Variants in SGSM1 observed in about 807,000 individuals in gnomAD.
SGSM1 encodes the protein RUN and TBC1 domain containing 2.
SGSM1 carries 73 observed loss-of-function variants against 133.8 expected under a neutral mutation model. The ratio of observed to expected loss-of-function variants is 0.55; its 90% confidence interval spans 0.45 to 0.66. The LOEUF is 0.66. Ranked by LOEUF, SGSM1 falls within the 30% of genes least tolerant of loss-of-function variation. The pLI is 0.00. For synonymous variants in SGSM1, 563 were observed against 573.0 expected (o/e 0.98, Z 0.25); for missense variants, 1,213 against 1,448.1 (o/e 0.84, Z 2.64).
chr22:24,920,302 C>A (rs1338576180), intron 24 of SGSM1, among the ~76,000 whole-genome samples: 1 of 152,192 alleles, frequency 6.6e-6, no homozygotes, highest in African/African-American at 2.4e-5. Flanking sequence ...ACATCCACTT[C>A]CTCATCTGTG....
At chr22:24,904,691 A>G (rs139746) in intron 20 of SGSM1, among the ~76,000 whole-genome samples, 92,518 of 152,082 alleles carry the variant, frequency 0.61, 29,449 homozygotes, top group African/African-American at 0.79. Flanking sequence ...GGGAGCTGTA[A>G]GGCAAAGATA....
intron 5 of SGSM1, 147 bp from the exon 6 acceptor site, chr22:24,854,849 C>T (rs1930675801): frequency 1.6e-6 from 1 of 625,704 alleles, no homozygotes. Flanking sequence ...GCCCTATGAG[C>T]TATATTATTA....
chr22:24,921,443 T>A (rs1934005026), intron 24 of SGSM1, among the ~76,000 whole-genome samples: 1 of 152,182 alleles, frequency 6.6e-6, no homozygotes, highest in African/African-American at 2.4e-5. Context: ...GTGACTATTC[T>A]ATAACTTACT....
intron 10 of SGSM1, among the ~76,000 whole-genome samples, chr22:24,867,951 A>C (rs1002729113): frequency 3.3e-5 from 5 of 152,244 alleles, no homozygotes; most frequent in African/African-American, 1.2e-4. Flanking sequence ...CAGTGCCTCT[A>C]ACATGCTGCG....
intron 12 of SGSM1, among the ~76,000 whole-genome samples, chr22:24,869,356 C>CA: frequency 6.6e-6 from 1 of 151,940 alleles, no homozygotes; most frequent in Non-Finnish European, 1.5e-5. Flanking sequence ...CCTGTCTCTA[C>CA]AAAAAATACA....
At chr22:24,921,282 T>C (rs1933998914) in intron 24 of SGSM1, among the ~76,000 whole-genome samples, 3 of 152,078 alleles carry the variant, frequency 2.0e-5, no homozygotes. Context: ...ATATTTTTAG[T>C]AGAGACAGAG....
chr22:24,848,397 C>G (rs774312382), intron 4 of SGSM1, among the ~76,000 whole-genome samples: 5 of 152,118 alleles, frequency 3.3e-5, no homozygotes, highest in Non-Finnish European at 7.4e-5. Context: ...CATATTATAA[C>G]ACATTCAAAT....
chr22:24,841,213 C>G (rs183789178), intron 2 of SGSM1, among the ~76,000 whole-genome samples: 7 of 152,278 alleles, frequency 4.6e-5, no homozygotes, highest in Non-Finnish European at 8.8e-5. Context: ...TTCTTTGACA[C>G]ATTTATTATT....
chr22:24,885,435 C>CTT lies in SGSM1; in HGVS notation c.1642-1145_1642-1144dup, dbSNP rs749418833. ...TCGATTAGCGACACACATTGAGCAC[C>CTT]TTTTTTTTTTTTTTTTTTTTTGAGA... On this transcript the variant is annotated intron_variant, in intron 15 of 24. Transcript: ENST00000400358. Among the ~76,000 whole-genome samples, 376 of 122,050 alleles carry CTT rather than the reference C, an allele frequency of 3.1e-3. 2 individuals are homozygous for CTT. The highest frequency in any genetic ancestry group is 3.8e-3 in the Non-Finnish European group (223 of 59,114). 80.1% of individuals were successfully genotyped at this position (122,050 alleles called of 152,430 possible).
intron 2 of SGSM1, 90 bp from the exon 3 acceptor site, chr22:24,844,804 TGTG>T: frequency 8.8e-7 from 1 of 1,135,262 alleles, no homozygotes; most frequent in South Asian, 1.4e-5. Flanking sequence ...TGAAAGGCCT[TGTG>T]GGGAGCAATG....
At chr22:24,900,898 C>T (rs1403229050) in intron 19 of SGSM1, among the ~76,000 whole-genome samples, 2 of 152,064 alleles carry the variant, frequency 1.3e-5, no homozygotes, top group African/African-American at 2.4e-5. Context: ...CTATTTAAGA[C>T]CCAGGTGGAA....
At position 24,859,819 on chromosome 22, in the gene SGSM1, G is replaced by A; in HGVS notation, c.905G>A (p.Gly302Glu). The A allele has an allele frequency of 6.2e-7, 1 of 1,613,868 alleles. No individual in the cohort carries two copies. The highest frequency in any genetic ancestry group is 8.5e-7 in the Non-Finnish European group (1 of 1,179,840). Residue 302 changes from glycine to glutamate, a missense_variant, in exon 9 of 25, where the codon GGG becomes GAG. Physicochemically the swap from Gly to Glu is moderately conservative, Grantham distance 98 (BLOSUM62 -2). Transcript: ENST00000400358. The stretch of plus-strand genomic sequence containing the variant: ...AACCAGCTGATGAACGGGTCTGTGG[G>A]GGACCTGGACTATGAGAAGAGGTAG... ...TPNQLMNGSV[G>E]DLDYEKSVYW...
intron 8 of SGSM1, chr22:24,855,962 C>A (rs551647476): frequency 5.0e-6 from 3 of 604,458 alleles, no homozygotes; most frequent in African/African-American, 1.8e-5. Flanking sequence ...ACCATCTTTA[C>A]ATTCACCCAT....
intron 14 of SGSM1, among the ~76,000 whole-genome samples, chr22:24,881,823 G>A (rs1348218049): frequency 6.6e-6 from 1 of 152,192 alleles, no homozygotes; most frequent in African/African-American, 2.4e-5. Flanking sequence ...TGGAGAGCCA[G>A]AAGGAAGGGG....
intron 2 of SGSM1, among the ~76,000 whole-genome samples, chr22:24,821,897 G>T (rs548631335): frequency 4.1e-4 from 63 of 152,152 alleles, no homozygotes; most frequent in African/African-American, 1.4e-3. Context: ...TGGTACCTTT[G>T]TTAGGATTAA....
At chr22:24,828,016 A>G (rs1197476525) in intron 2 of SGSM1, among the ~76,000 whole-genome samples, 2 of 151,796 alleles carry the variant, frequency 1.3e-5, no homozygotes, top group East Asian at 1.9e-4. Flanking sequence ...ACCTTTGTGG[A>G]CCCCTATCTC....
intron 14 of SGSM1, among the ~76,000 whole-genome samples, chr22:24,882,543 C>T (rs1471991363): frequency 1.3e-5 from 2 of 152,144 alleles, no homozygotes; most frequent in Admixed American, 6.5e-5. Flanking sequence ...TCTATAATAG[C>T]TATTTTGAAA....
chr22:24,881,700 A>G (rs1208548393), intron 14 of SGSM1, among the ~76,000 whole-genome samples: 2 of 152,172 alleles, frequency 1.3e-5, no homozygotes, highest in African/African-American at 4.8e-5. Flanking sequence ...CGTCATCATC[A>G]TCATCCTCCT....
intron 2 of SGSM1, among the ~76,000 whole-genome samples, chr22:24,807,670 C>T (rs6004289): frequency 0.024 from 3,704 of 152,208 alleles, 150 homozygotes; most frequent in African/African-American, 0.083. Flanking sequence ...CAGCAGACAT[C>T]GTGGGCTGGC....
Sources: allele counts gnomAD v4.1 joint callset (sites outside exome capture counted in the v4.1 genomes callset), GRCh38; gene constraint gnomAD v4.1.1; transcripts MANE v1.5; gene names NCBI Gene and HGNC (gene_info 2026-07-23, HGNC 2026-07-21).